ARHGAP15: variants seen among roughly 807,000 people sequenced by gnomAD.
ARHGAP15 encodes the protein rho GTPase-activating protein 15.
A neutral mutation model predicts 63.7 loss-of-function variants in ARHGAP15; 51 were observed. That is an observed-to-expected ratio of 0.80 (90% CI 0.64 to 1.01). ARHGAP15 has a LOEUF of 1.01. Among genes scored for constraint, ARHGAP15 ranks in the 50% least tolerant of loss-of-function variants. The pLI, the probability that ARHGAP15 is intolerant of heterozygous loss-of-function variation, is 0.00. For synonymous variants in ARHGAP15, 191 were observed against 193.8 expected, an observed-to-expected ratio of 0.99 and a Z score of 0.12; for missense variants, 560 against 564.6, an observed-to-expected ratio of 0.99 and a Z score of 0.08.
At chr2:143,363,342 C>T (rs962285206) in intron 6 of ARHGAP15, among the ~76,000 whole-genome samples, 1 of 152,070 alleles carries the variant, frequency 6.6e-6, no homozygotes, top group Non-Finnish European at 1.5e-5. Flanking sequence ...GAGTATGAGA[C>T]CAGCCTTGCT....
intron 2 of ARHGAP15, among the ~76,000 whole-genome samples, chr2:143,189,297 C>T (rs1054138352): frequency 1.3e-5 from 2 of 152,134 alleles, no homozygotes; most frequent in Non-Finnish European, 2.9e-5. Flanking sequence ...TGTTCTGTAA[C>T]TATATGGTCC....
At chr2:143,494,871 T>C (rs1342705765) in intron 9 of ARHGAP15, among the ~76,000 whole-genome samples, 2 of 152,216 alleles carry the variant, frequency 1.3e-5, no homozygotes, top group East Asian at 3.8e-4. Context: ...CTTGATAAAC[T>C]GAATCAATCT....
intron 12 of ARHGAP15, among the ~76,000 whole-genome samples, chr2:143,643,797 C>G (rs1016113975): frequency 2.6e-5 from 4 of 151,838 alleles, no homozygotes; most frequent in African/African-American, 7.3e-5. Context: ...GTTAAACGGT[C>G]TTGGAAGAAA....
chr2:143,205,334 T>C (rs1388580197), intron 3 of ARHGAP15, among the ~76,000 whole-genome samples: 1 of 151,728 alleles, frequency 6.6e-6, no homozygotes, highest in Non-Finnish European at 1.5e-5. Context: ...TGTACACTTC[T>C]GTTACCTTAA....
At chr2:143,350,174 A>G (rs1018326911) in intron 6 of ARHGAP15, among the ~76,000 whole-genome samples, 1 of 152,150 alleles carries the variant, frequency 6.6e-6, no homozygotes, top group Non-Finnish European at 1.5e-5. Flanking sequence ...AAACTACTTT[A>G]AGTCAATATC....
intron 11 of ARHGAP15, among the ~76,000 whole-genome samples, chr2:143,613,764 A>G (rs796639123): frequency 2.1e-4 from 32 of 152,214 alleles, no homozygotes; most frequent in African/African-American, 7.5e-4. Context: ...TCCACAGTGA[A>G]TATCCAGTAT....
At chr2:143,413,577 C>A (rs1688535608) in intron 6 of ARHGAP15, among the ~76,000 whole-genome samples, 1 of 152,040 alleles carries the variant, frequency 6.6e-6, no homozygotes, top group Non-Finnish European at 1.5e-5. Context: ...CTTAAGTGAT[C>A]CTCCCACCTG....
intron 6 of ARHGAP15, among the ~76,000 whole-genome samples, chr2:143,279,536 T>C (rs1302638877): frequency 1.3e-5 from 2 of 152,208 alleles, no homozygotes; most frequent in African/African-American, 4.8e-5. Flanking sequence ...GACAAATTGA[T>C]AGTAAAATCT....
chr2:143,310,438 TTGAA>T (rs1434347158), intron 6 of ARHGAP15, among the ~76,000 whole-genome samples: 1 of 152,024 alleles, frequency 6.6e-6, no homozygotes, highest in Non-Finnish European at 1.5e-5. Context: ...TGAAAGGAAT[TTGAA>T]TGAAGTGCAT....
intron 13 of ARHGAP15, among the ~76,000 whole-genome samples, chr2:143,725,822 GT>G (rs1312318106): frequency 6.6e-6 from 1 of 152,318 alleles, no homozygotes; most frequent in East Asian, 1.9e-4. Context: ...GGTTCAGCAT[GT>G]AAATCCCGAA....
rs374035681 is a variant in ARHGAP15, at chr2:143,265,988, CAG to C, written c.474+15389_474+15390del. ...TTCAGGAATAGAAACTGATGAAAAA[CAG>C]GGGGTAAAATTATTCAGTTACATCA... On this transcript the variant is annotated intron_variant, in intron 6 of 13. Transcript: ENST00000295095. Among the ~76,000 whole-genome samples the C allele has an allele frequency of 5.1e-3, 771 of 151,960 alleles. 5 individuals carry two copies. Among genetic ancestry groups the C allele is most frequent in the South Asian group, 0.029 (139 of 4,820 alleles).
At chr2:143,420,992 T>C (rs1574424463) in intron 6 of ARHGAP15, among the ~76,000 whole-genome samples, 1 of 152,204 alleles carries the variant, frequency 6.6e-6, no homozygotes, top group Non-Finnish European at 1.5e-5. Context: ...AGTGCACTCA[T>C]TGTTTCAATA....
At chr2:143,277,169 T>G (rs1359887136) in intron 6 of ARHGAP15, among the ~76,000 whole-genome samples, 1 of 152,102 alleles carries the variant, frequency 6.6e-6, no homozygotes, top group East Asian at 1.9e-4. Flanking sequence ...CCAGGCAACC[T>G]AAGCGTGGAA....
chr2:143,617,976 T>A (rs1299820015), intron 11 of ARHGAP15, among the ~76,000 whole-genome samples: 3 of 152,236 alleles, frequency 2.0e-5, no homozygotes, highest in Non-Finnish European at 4.4e-5. Context: ...ACTGGCCAAC[T>A]GGTTTAGTTT....
chr2:143,702,242 A>C (rs1447813640), intron 12 of ARHGAP15, among the ~76,000 whole-genome samples: 1 of 152,228 alleles, frequency 6.6e-6, no homozygotes, highest in Admixed American at 6.5e-5. Flanking sequence ...CTAGATGATA[A>C]GGCCCTGGTT....
intron 13 of ARHGAP15, among the ~76,000 whole-genome samples, chr2:143,757,223 A>G (rs1374094345): frequency 6.6e-6 from 1 of 152,144 alleles, no homozygotes; most frequent in Admixed American, 6.5e-5. Flanking sequence ...CAAAATACAC[A>G]CAGAGGCTGG....
In ARHGAP15 at chr2:143,386,838, T is replaced by TA. The variant is rs1387417860; in HGVS notation, c.475-48762dup. ...TCTTTTGTTGTTGTTGTTGGTTGTT[T>TA]ATTTTTTTTTTGGTGGGAACATGGA... is the stretch of plus-strand genomic sequence containing the variant. On this transcript the variant is annotated intron_variant, in intron 6 of 13. Transcript: ENST00000295095. 7.2e-5 allele frequency among the ~76,000 whole-genome samples: 10 copies of TA among 139,056 alleles called. No homozygotes were observed. The South Asian group carries it at 1.7e-3, about 23-fold the overall frequency. The allele number at this position is 139,056 out of a possible 152,430, so 91.2% of individuals were successfully genotyped here.
At position 143,653,135 on chromosome 2, in the gene ARHGAP15, C is replaced by T. The variant is rs957407946; in HGVS notation, c.1138+28868C>T. On this transcript the variant is annotated intron_variant, in intron 12 of 13. Transcript: ENST00000295095. ...GTTTTTCTGCATCTACTGAGATGAA[C>T]ATAAGGTTTCTCTTTTCTAGTCTGT... 3.9e-5 allele frequency among the ~76,000 whole-genome samples: 6 copies of T among 152,170 alleles called. No individual in the cohort carries two copies. The South Asian group carries it at 1.0e-3, about 26-fold the overall frequency.
chr2:143,568,185 T>G (rs1696311360), intron 11 of ARHGAP15, among the ~76,000 whole-genome samples: 1 of 152,026 alleles, frequency 6.6e-6, no homozygotes, highest in Non-Finnish European at 1.5e-5. Context: ...CTAATTAAAC[T>G]AAAGAGCTTC....
Sources: allele counts gnomAD v4.1 joint callset (sites outside exome capture counted in the v4.1 genomes callset), GRCh38; gene constraint gnomAD v4.1.1; transcripts MANE v1.5; gene names NCBI Gene and HGNC (gene_info 2026-07-23, HGNC 2026-07-21).